Variants in PIK3AP1 observed in about 807,000 individuals in gnomAD.
PIK3AP1 encodes phosphoinositide-3-kinase adaptor protein 1.
In PIK3AP1, 21 loss-of-function variants were observed where a neutral mutation model predicts 88.1. That is an observed-to-expected ratio of 0.24 (90% CI 0.17 to 0.34). The LOEUF is 0.34. PIK3AP1 is among the 10% of genes least tolerant of loss of function. The pLI, the probability that PIK3AP1 is intolerant of heterozygous loss-of-function variation, is 1.00. For synonymous variants in PIK3AP1, 398 were observed against 400.0 expected, an observed-to-expected ratio of 1.00 and a Z score of 0.06; for missense variants, 828 against 1,035.7, an observed-to-expected ratio of 0.80 and a Z score of 2.75.
chr10:96,632,115 C>T (rs1317043717), intron 8 of PIK3AP1, among the ~76,000 whole-genome samples: 1 of 152,034 alleles, frequency 6.6e-6, no homozygotes, highest in Non-Finnish European at 1.5e-5. Context: ...AGTATCGAGA[C>T]AAGGAAAGAC....
intron 2 of PIK3AP1, among the ~76,000 whole-genome samples, chr10:96,704,667 C>T (rs965895200): frequency 2.0e-5 from 3 of 150,872 alleles, no homozygotes; most frequent in South Asian, 2.1e-4. Context: ...AGCAGTGAGC[C>T]GAGATTGCGC....
At chr10:96,680,697 T>C (rs1843988098) in intron 2 of PIK3AP1, among the ~76,000 whole-genome samples, 1 of 152,258 alleles carries the variant, frequency 6.6e-6, no homozygotes, top group Non-Finnish European at 1.5e-5. Flanking sequence ...ATTTTCTTTA[T>C]CCAGTCTACC....
intron 7 of PIK3AP1, 148 bp downstream of exon 7, chr10:96,648,511 T>C (rs1843491306): frequency 8.2e-6 from 7 of 851,512 alleles, no homozygotes; most frequent in Middle Eastern, 3.5e-4. Context: ...CCAGACCTCA[T>C]TTCTTAAGCC....
At chr10:96,660,024 A>G (rs941893199) in intron 2 of PIK3AP1, among the ~76,000 whole-genome samples, 3 of 152,112 alleles carry the variant, frequency 2.0e-5, no homozygotes, top group Admixed American at 2.0e-4. Flanking sequence ...TATTAAAGTT[A>G]TTAAAAAACA....
intron 2 of PIK3AP1, among the ~76,000 whole-genome samples, chr10:96,674,969 T>C (rs1843896625): frequency 6.6e-6 from 1 of 152,244 alleles, no homozygotes; most frequent in African/African-American, 2.4e-5. Flanking sequence ...CACGGTTCAC[T>C]GCAACCTCCA....
Position 96,623,650 on chromosome 10 carries a change from T to C in PIK3AP1, c.1670-113A>G, listed in dbSNP as rs149105293. The stretch of plus-strand genomic sequence containing the variant: ...CCGTATGTGGTTCTGTAAATCAAAA[T>C]TGTAGAAAGAGGCAATTAATGAGAA... On this transcript the variant is annotated intron_variant, in intron 10 of 16. Coordinates refer to ENST00000339364, the MANE Select transcript of PIK3AP1 (RefSeq NM_152309.3). The C allele has an allele frequency of 5.4e-3, 4,984 of 916,266 alleles. 15 individuals are homozygous for C. The highest frequency in any genetic ancestry group is 6.6e-3 in the Non-Finnish European group (3,927 of 598,624). 56.8% of individuals were successfully genotyped at this position (916,266 alleles called of 1,614,324 possible). A position where few individuals can be genotyped will look rare whatever the true frequency, so the allele number is the denominator to read the frequency against.
intron 2 of PIK3AP1, among the ~76,000 whole-genome samples, chr10:96,682,607 G>A (rs755636420): frequency 6.6e-6 from 1 of 152,120 alleles, no homozygotes; most frequent in Non-Finnish European, 1.5e-5. Flanking sequence ...CTGATACCTG[G>A]GTGTGGAGCG....
At chr10:96,657,197 T>C (rs1843626898) in intron 2 of PIK3AP1, among the ~76,000 whole-genome samples, 2 of 152,038 alleles carry the variant, frequency 1.3e-5, no homozygotes, top group Non-Finnish European at 2.9e-5. Context: ...GGCTGCAGGT[T>C]TAGTCTTAAC....
intron 13 of PIK3AP1, among the ~76,000 whole-genome samples, chr10:96,613,937 G>A (rs1441320626): frequency 6.6e-6 from 1 of 152,174 alleles, no homozygotes; most frequent in African/African-American, 2.4e-5. Flanking sequence ...CAGGACTGAG[G>A]CTCAGGGAGG....
intron 2 of PIK3AP1, among the ~76,000 whole-genome samples, chr10:96,669,246 C>G (rs571408949): frequency 1.3e-4 from 20 of 152,300 alleles, no homozygotes; most frequent in Non-Finnish European, 2.5e-4. Context: ...TCAGCTGTTA[C>G]GATGTTCATT....
intron 2 of PIK3AP1, among the ~76,000 whole-genome samples, chr10:96,692,440 G>A (rs550035933): frequency 2.0e-5 from 3 of 152,246 alleles, no homozygotes; most frequent in South Asian, 4.1e-4. Context: ...TGGGCATGGT[G>A]GTGCATGCCT....
rs769044036 is a variant in PIK3AP1, at chr10:96,651,251, T to C, written c.985A>G (p.Thr329Ala). The change falls in exon 6 of 17, where the codon ACA becomes GCA. Residue 329 changes from threonine (T) to alanine (A), a missense_variant. Thr to Ala is a moderately conservative substitution (Grantham distance 58). This residue lies in a region of PIK3AP1 where 610 missense variants were observed against 760.1 expected (regional missense o/e 0.80). Coordinates refer to ENST00000339364, the MANE Select transcript of PIK3AP1 (RefSeq NM_152309.3). Reference protein sequence around the residue: ...INQLEEEDMMTNQRDEELPTL... With the variant: ...INQLEEEDMMANQRDEELPTL... ...TGAGGTTTGACTGTCAACTTACTTG[T>C]CATCATATCTTCTTCTTCCAGCTGG... The C allele has an allele frequency of 3.1e-6, 5 of 1,614,254 alleles. No homozygotes were observed. In the South Asian group the frequency reaches 5.5e-5, roughly 18 times the overall value.
chr10:96,641,893 C>T (rs1033660592), intron 8 of PIK3AP1, among the ~76,000 whole-genome samples: 7 of 152,158 alleles, frequency 4.6e-5, no homozygotes, highest in African/African-American at 1.4e-4. Context: ...GCTGCAAATA[C>T]GCATTTTAGA....
intron 2 of PIK3AP1, among the ~76,000 whole-genome samples, chr10:96,661,656 T>G (rs1385823702): frequency 6.6e-6 from 1 of 152,024 alleles, no homozygotes; most frequent in Non-Finnish European, 1.5e-5. Context: ...CATGGTGGCA[T>G]GTGCCTGCAG....
At chr10:96,673,276 G>A (rs183484354) in intron 2 of PIK3AP1, among the ~76,000 whole-genome samples, 6 of 152,282 alleles carry the variant, frequency 3.9e-5, no homozygotes, top group Admixed American at 2.0e-4. Context: ...TGGATTCAGC[G>A]TCTCGGGCTG....
rs1844081494 is a variant in PIK3AP1 at position 96,687,216 on chromosome 10, A to G, written c.430+22351T>C. ...GCTTGCAGTGAGCCGAGACAGCGCC[A>G]CCGCAGTCCGGCCTGGGCAAAAGAG... On this transcript the variant is annotated intron_variant, in intron 2 of 16. Coordinates refer to ENST00000339364, the MANE Select transcript of PIK3AP1 (RefSeq NM_152309.3). 4.6e-5 allele frequency among the ~76,000 whole-genome samples: 6 copies of G among 130,558 alleles called. No homozygotes were observed. The South Asian group carries it at 1.6e-3, about 34-fold the overall frequency. 85.7% of individuals were successfully genotyped at this position (130,558 alleles called of 152,430 possible). A position where few individuals can be genotyped will look rare whatever the true frequency, so the allele number is the denominator to read the frequency against.
chr10:96,614,701 T>C (rs183702845), intron 13 of PIK3AP1, among the ~76,000 whole-genome samples: 1 of 152,318 alleles, frequency 6.6e-6, no homozygotes, highest in Admixed American at 6.5e-5. Context: ...GTGAAGCTAG[T>C]GTCTCATAGG....
At chr10:96,662,834 A>G (rs1266173139) in intron 2 of PIK3AP1, among the ~76,000 whole-genome samples, 1 of 127,502 alleles carries the variant, frequency 7.8e-6, no homozygotes, top group Non-Finnish European at 1.6e-5. Flanking sequence ...GTGAGCCGAG[A>G]TTGCGCCACT....
intron 6 of PIK3AP1, among the ~76,000 whole-genome samples, chr10:96,649,603 A>G (rs1383713658): frequency 6.6e-6 from 1 of 152,226 alleles, no homozygotes; most frequent in Non-Finnish European, 1.5e-5. Context: ...TAATTTCATG[A>G]TAAGTACACC....
Sources: allele counts gnomAD v4.1 joint callset (sites outside exome capture counted in the v4.1 genomes callset), GRCh38; gene constraint gnomAD v4.1.1; regional missense constraint gnomAD v4.1.1; transcripts MANE v1.5; gene names NCBI Gene and HGNC (gene_info 2026-07-23, HGNC 2026-07-21).